Variants in ZFAND3 observed in about 807,000 individuals in gnomAD.
ZFAND3 encodes the protein zinc finger AN1-type containing 3.
Under a neutral mutation model 29.6 loss-of-function variants are expected in ZFAND3, and 10 were observed. The observed-to-expected ratio is 0.34, with a 90% CI of 0.21 to 0.57. The LOEUF is 0.57. Among genes scored for constraint, ZFAND3 ranks in the 20% least tolerant of loss-of-function variants. The pLI, the probability that ZFAND3 is intolerant of heterozygous loss-of-function variation, is 0.86. For synonymous variants in ZFAND3, 128 were observed against 112.6 expected, an observed-to-expected ratio of 1.14 and a Z score of -0.87; for missense variants, 230 against 304.5, an observed-to-expected ratio of 0.76 and a Z score of 1.82.
At chr6:37,943,799 A>G (rs1761853001) in intron 2 of ZFAND3, among the ~76,000 whole-genome samples, 1 of 152,164 alleles carries the variant, frequency 6.6e-6, no homozygotes, top group Non-Finnish European at 1.5e-5. Context: ...ACTCAGTCCA[A>G]ATGTCTACTG....
At chr6:38,087,452 T>G (rs1764778564) in intron 4 of ZFAND3, among the ~76,000 whole-genome samples, 1 of 152,184 alleles carries the variant, frequency 6.6e-6, no homozygotes. Context: ...GACAAGGGAT[T>G]AATAACCAGA....
At chr6:38,145,455 C>T (rs1766085631) in intron 5 of ZFAND3, among the ~76,000 whole-genome samples, 1 of 152,176 alleles carries the variant, frequency 6.6e-6, no homozygotes, top group Non-Finnish European at 1.5e-5. Flanking sequence ...GGCATTTGTG[C>T]AGATTGTTCT....
intron 2 of ZFAND3, among the ~76,000 whole-genome samples, chr6:38,013,048 G>A (rs778401916): frequency 2.0e-5 from 3 of 152,148 alleles, no homozygotes; most frequent in East Asian, 1.9e-4. Flanking sequence ...TAAATTTTAC[G>A]TAGTCAACTT....
intron 2 of ZFAND3, among the ~76,000 whole-genome samples, chr6:37,976,189 A>G (rs1244588298): frequency 2.0e-5 from 3 of 152,190 alleles, no homozygotes; most frequent in Non-Finnish European, 4.4e-5. Flanking sequence ...TTGATTTTGT[A>G]TCTGTAAACT....
Position 37,939,795 on chromosome 6 carries a change from A to G in ZFAND3, c.112+9796A>G, listed in dbSNP as rs1306950738. Among the ~76,000 whole-genome samples, 3 of 152,286 alleles carry G rather than the reference A, an allele frequency of 2.0e-5. No homozygotes were observed. The East Asian group carries it at 5.8e-4, about 29-fold the overall frequency. On this transcript the variant is annotated intron_variant, in intron 2 of 5. Coordinates refer to ENST00000287218, the MANE Select transcript of ZFAND3 (RefSeq NM_021943.3). ...GGTGGCTCACACCTGTAATCCCAAC[A>G]CTTCGGGAGGCTTAGGCGGGCGGAT... is the stretch of plus-strand genomic sequence containing the variant.
intron 5 of ZFAND3, among the ~76,000 whole-genome samples, chr6:38,132,671 C>T (rs1765764911): frequency 6.6e-6 from 1 of 152,230 alleles, no homozygotes; most frequent in South Asian, 2.1e-4. Context: ...GACCCCTAAA[C>T]TGACGCTGCA....
intron 2 of ZFAND3, 44 bp from the exon 3 acceptor site, chr6:38,061,549 G>A (rs1232665970): frequency 2.5e-6 from 4 of 1,607,530 alleles, no homozygotes; most frequent in Non-Finnish European, 2.6e-6. Flanking sequence ...AATCCTCAGA[G>A]ACTGTGAACT....
rs185826105 is a variant in ZFAND3 at position 37,861,611 on chromosome 6, G to A, written c.71+41595G>A. On this transcript the variant is annotated intron_variant, in intron 1 of 5. Transcript: ENST00000287218. ...CAGGTGAAGAAAGTAAGACTTACAG[G>A]GGTTAAAACTATTATGAAATATTAT... Among the ~76,000 whole-genome samples, 5 of 152,210 alleles carry A rather than the reference G, an allele frequency of 3.3e-5. No homozygotes were observed. The East Asian group carries it at 9.6e-4, about 29-fold the overall frequency.
At chr6:38,128,150 C>A (rs192995823) in intron 5 of ZFAND3, among the ~76,000 whole-genome samples, 4 of 152,250 alleles carry the variant, frequency 2.6e-5, no homozygotes, top group African/African-American at 4.8e-5. Context: ...TCAAAATAAT[C>A]GGATTTTTAA....
Position 38,034,833 on chromosome 6 carries a change from T to C in ZFAND3, c.113-26760T>C, listed in dbSNP as rs772002982. Among the ~76,000 whole-genome samples the C allele has an allele frequency of 1.5e-4, 22 of 146,734 alleles. No individual in the cohort carries two copies. The South Asian group carries it at 1.5e-3, about 10-fold the overall frequency. On this transcript the variant is annotated intron_variant, in intron 2 of 5. Coordinates refer to ENST00000287218, the MANE Select transcript of ZFAND3 (RefSeq NM_021943.3). ...TTGATTAATACTTCAAATTTGACTT[T>C]TAATTTGATACATACAATTGTTCTC...
chr6:37,950,417 G>A (rs1478264104), intron 2 of ZFAND3, among the ~76,000 whole-genome samples: 4 of 149,066 alleles, frequency 2.7e-5, no homozygotes, highest in East Asian at 2.0e-4. Context: ...TCGCTCTGTC[G>A]CCCAGCCTGG....
intron 1 of ZFAND3, among the ~76,000 whole-genome samples, chr6:37,879,603 T>C (rs1417291603): frequency 6.6e-6 from 1 of 152,210 alleles, no homozygotes. Flanking sequence ...TGTGTGTTTC[T>C]TAAACTTTAT....
In ZFAND3 at chr6:38,040,552, C is replaced by T. The variant is rs187810486; in HGVS notation, c.113-21041C>T. ...ACTTTAGTTTTGATGTGAAGTACAGCATTTAAAAACATAAATCTTTTAATT... is the reference window on the plus strand; with the variant it reads ...ACTTTAGTTTTGATGTGAAGTACAGTATTTAAAAACATAAATCTTTTAATT... On this transcript the variant is annotated intron_variant, in intron 2 of 5. Transcript: ENST00000287218. 2.3e-4 allele frequency among the ~76,000 whole-genome samples: 35 copies of T among 152,252 alleles called. No homozygotes were observed. In the East Asian group the frequency reaches 5.8e-3, roughly 25 times the overall value.
chr6:37,864,944 C>T (rs965088037), intron 1 of ZFAND3, among the ~76,000 whole-genome samples: 1 of 152,126 alleles, frequency 6.6e-6, no homozygotes, highest in African/African-American at 2.4e-5. Flanking sequence ...CTTTGGGAGG[C>T]CAAGGCGGGC....
At position 38,115,535 on chromosome 6, in the gene ZFAND3, T is replaced by G. The variant is rs139167396; in HGVS notation, c.362-1037T>G. ...AGAGAGACCAGTGAAGAGGCTCTTG[T>G]AGTAGGCTTGATGAGTTGGTAATGG... On this transcript the variant is annotated intron_variant, in intron 4 of 5. Coordinates refer to ENST00000287218, the MANE Select transcript of ZFAND3 (RefSeq NM_021943.3). Among the ~76,000 whole-genome samples, 1,328 of 152,250 alleles carry G rather than the reference T, an allele frequency of 8.7e-3. 17 individuals carry two copies. The highest frequency in any genetic ancestry group is 0.03 in the African/African-American group (1,252 of 41,548).
intron 2 of ZFAND3, among the ~76,000 whole-genome samples, chr6:38,019,492 C>T (rs1228719643): frequency 6.6e-6 from 1 of 151,652 alleles, no homozygotes; most frequent in Non-Finnish European, 1.5e-5. Context: ...AACAATTTGT[C>T]ATTTGATCAT....
At chr6:37,827,589 C>A (rs1216406555) in intron 1 of ZFAND3, among the ~76,000 whole-genome samples, 1 of 152,160 alleles carries the variant, frequency 6.6e-6, no homozygotes, top group Non-Finnish European at 1.5e-5. Context: ...ATTGGAATTT[C>A]CAGCAGTAGT....
intron 2 of ZFAND3, among the ~76,000 whole-genome samples, chr6:38,024,924 G>C (rs375363069): frequency 6.6e-6 from 1 of 152,206 alleles, no homozygotes; most frequent in East Asian, 1.9e-4. Flanking sequence ...AAATGCCACT[G>C]AGTTATTCAC....
chr6:37,898,594 A>G (rs1221465908), intron 1 of ZFAND3, among the ~76,000 whole-genome samples: 2 of 152,150 alleles, frequency 1.3e-5, no homozygotes, highest in Admixed American at 1.3e-4. Flanking sequence ...TAGTATATAT[A>G]TTTCCATTTA....
Sources: gnomAD v4.1 joint callset for allele counts (sites outside exome capture counted in the v4.1 genomes callset) on GRCh38, gnomAD v4.1.1 for gene constraint, MANE v1.5 for transcripts, NCBI Gene and HGNC (gene_info 2026-07-23, HGNC 2026-07-21) for gene names.